SPRED2: variants seen among roughly 807,000 people sequenced by gnomAD.
SPRED2 encodes the protein sprouty-related, EVH1 domain-containing protein 2.
SPRED2 carries 47 observed loss-of-function variants against 43.0 expected under a neutral mutation model. The ratio of observed to expected loss-of-function variants is 1.09; its 90% CI spans 0.87 to 1.40. The LOEUF is 1.40. Ranked by LOEUF, SPRED2 falls within the 40% of genes most tolerant of loss-of-function variation. SPRED2 has a pLI of 0.00. For missense variants in SPRED2, 561 were observed against 586.4 expected, an observed-to-expected ratio of 0.96 and a Z score of 0.45; for synonymous variants, 225 against 225.7, an observed-to-expected ratio of 1.00 and a Z score of 0.03.
chr2:65,409,652 C>A (rs1375970116), intron 1 of SPRED2, among the ~76,000 whole-genome samples: 8 of 105,396 alleles, frequency 7.6e-5, no homozygotes, highest in African/African-American at 2.8e-4. Context: ...TGTTTCCTGG[C>A]AAGACTGATT....
At chr2:65,324,595 T>C (rs747534619) in intron 4 of SPRED2, among the ~76,000 whole-genome samples, 5 of 152,168 alleles carry the variant, frequency 3.3e-5, no homozygotes, top group Non-Finnish European at 7.3e-5. Context: ...GGAGGGACCT[T>C]GAGTTTACTG....
At chr2:65,405,631 T>C (rs1241817451) in intron 1 of SPRED2, among the ~76,000 whole-genome samples, 1 of 152,172 alleles carries the variant, frequency 6.6e-6, no homozygotes, top group Non-Finnish European at 1.5e-5. Context: ...ATCAGCACCA[T>C]GGGGCTCCTG....
intron 1 of SPRED2, among the ~76,000 whole-genome samples, chr2:65,405,383 G>C (rs1319284637): frequency 1.3e-5 from 2 of 152,196 alleles, no homozygotes; most frequent in Non-Finnish European, 2.9e-5. Flanking sequence ...CAGTTAACAA[G>C]GACAAATTGC....
chr2:65,334,832 T>C, intron 2 of SPRED2, 59 bp from the exon 3 acceptor site: 1 of 1,575,730 alleles, frequency 6.3e-7, no homozygotes, highest in Non-Finnish European at 8.7e-7. Flanking sequence ...GATGTCTGGT[T>C]ACAGAAGTCT....
chr2:65,339,101 C>A (rs61100746), intron 2 of SPRED2, among the ~76,000 whole-genome samples: 47 of 77,974 alleles, frequency 6.0e-4, no homozygotes, highest in African/African-American at 2.9e-3. Context: ...GGAGGTTGGG[C>A]GGGGGGTCAG....
chr2:65,358,636 C>T (rs1674722240), intron 1 of SPRED2, among the ~76,000 whole-genome samples: 1 of 152,228 alleles, frequency 6.6e-6, no homozygotes, highest in African/African-American at 2.4e-5. Flanking sequence ...CAAGTTGCAA[C>T]TTAGGTTTAA....
At chr2:65,356,909 G>A (rs1053492890) in intron 1 of SPRED2, among the ~76,000 whole-genome samples, 2 of 152,064 alleles carry the variant, frequency 1.3e-5, no homozygotes. Flanking sequence ...CAGGAGAATC[G>A]CTTGAACCCG....
intron 1 of SPRED2, among the ~76,000 whole-genome samples, chr2:65,351,209 A>G (rs775811391): frequency 4.0e-5 from 6 of 151,898 alleles, no homozygotes; most frequent in Non-Finnish European, 7.4e-5. Flanking sequence ...TTTGACATGG[A>G]CCTCCAGCAA....
At chr2:65,328,212 A>AAGT in intron 4 of SPRED2, among the ~76,000 whole-genome samples, 1 of 152,174 alleles carries the variant, frequency 6.6e-6, no homozygotes, top group East Asian at 1.9e-4. Context: ...TGGGGCTTTC[A>AAGT]AGTAGGGACA....
chr2:65,417,164 C>T (rs1394009941), intron 1 of SPRED2, among the ~76,000 whole-genome samples: 1 of 152,154 alleles, frequency 6.6e-6, no homozygotes, highest in African/African-American at 2.4e-5. Context: ...TCTATGACCA[C>T]ACCACCTTGG....
Position 65,344,814 on chromosome 2 carries a change from C to T in SPRED2, c.109G>A (p.Gly37Arg), listed in dbSNP as rs761421595. 7 of 1,614,160 alleles carry T rather than the reference C, an allele frequency of 4.3e-6. No homozygotes were observed. The highest frequency in any genetic ancestry group is 5.9e-6 in the Non-Finnish European group (7 of 1,180,030). Residue 37 changes from glycine to arginine, a missense_variant, in exon 2 of 6, where the codon GGG (glycine) becomes AGG (arginine). Transcript: ENST00000356388. ...SGGWFPQEGG[G>R]ISRVGVCKVM... Reference sequence around the variant, plus strand: ...TTACAGACCCCGACGCGACTGATCCCGCCTCCTTCCTGTGGGAACCATCCC... The same window carrying T: ...TTACAGACCCCGACGCGACTGATCCTGCCTCCTTCCTGTGGGAACCATCCC...
At chr2:65,371,146 A>G (rs1675116515) in intron 1 of SPRED2, among the ~76,000 whole-genome samples, 1 of 152,198 alleles carries the variant, frequency 6.6e-6, no homozygotes, top group Admixed American at 6.5e-5. Context: ...ACGTGCCTCA[A>G]AATCAGGTCC....
intron 1 of SPRED2, among the ~76,000 whole-genome samples, chr2:65,357,183 T>C (rs1674676958): frequency 6.6e-6 from 1 of 152,170 alleles, no homozygotes; most frequent in African/African-American, 2.4e-5. Flanking sequence ...CTAATGCATT[T>C]AGTTCCTTTT....
intron 1 of SPRED2, among the ~76,000 whole-genome samples, chr2:65,349,914 C>G (rs866855101): frequency 1.3e-5 from 2 of 152,212 alleles, no homozygotes; most frequent in African/African-American, 2.4e-5. Context: ...GCAACAGCCC[C>G]GACAGCCAGC....
chr2:65,313,496 C>G lies in SPRED2; in HGVS notation c.*5G>C. ...CGGATGGAGGGAGAAGGGAGGGAAA[C>G]TGAGTCACGCGGCCGCTTTGTGCTT... On this transcript the variant is annotated 3_prime_UTR_variant, in exon 6 of 6. Transcript: ENST00000356388. 1 of 1,591,524 alleles carries G rather than the reference C, an allele frequency of 6.3e-7. No homozygotes were observed. The highest frequency in any genetic ancestry group is 8.6e-7 in the Non-Finnish European group (1 of 1,169,406).
intron 1 of SPRED2, among the ~76,000 whole-genome samples, chr2:65,422,742 G>A (rs1676460545): frequency 6.6e-6 from 1 of 152,056 alleles, no homozygotes; most frequent in African/African-American, 2.4e-5. Context: ...GGACGGTAAG[G>A]TCTTCAAAGG....
chr2:65,376,392 G>T (rs893818010), intron 1 of SPRED2, among the ~76,000 whole-genome samples: 15 of 152,060 alleles, frequency 9.9e-5, no homozygotes, highest in African/African-American at 3.6e-4. Flanking sequence ...GATTAACTGG[G>T]GCATAATGAA....
In SPRED2 at chr2:65,432,260, G is replaced by A. The variant is rs1418897625; in HGVS notation, c.-273C>T. ...CTCCGGGGGCTCGGGAGCGGGCAGA[G>A]GGGGCGAGATTTGGGAAGGGGACGG... On this transcript the variant is annotated 5_prime_UTR_variant, in exon 1 of 6. Transcript: ENST00000356388. 4.0e-6 allele frequency: 2 copies of A among 497,744 alleles called. No individual in the cohort carries two copies. Among genetic ancestry groups the A allele is most frequent in the East Asian group, 3.5e-5 (1 of 28,420 alleles). 30.8% of individuals were successfully genotyped at this position (497,744 alleles called of 1,614,324 possible).
chr2:65,423,955 A>G (rs1167993866), intron 1 of SPRED2, among the ~76,000 whole-genome samples: 1 of 151,782 alleles, frequency 6.6e-6, no homozygotes, highest in African/African-American at 2.4e-5. Flanking sequence ...ATGCTCAACT[A>G]ATTTTGTATA....
Sources: gnomAD v4.1 joint callset for allele counts (sites outside exome capture counted in the v4.1 genomes callset) on GRCh38, gnomAD v4.1.1 for gene constraint, MANE v1.5 for transcripts, NCBI Gene and HGNC (gene_info 2026-07-23, HGNC 2026-07-21) for gene names.